TNKS: variants seen among roughly 807,000 people sequenced by gnomAD.
The protein encoded by TNKS is poly [ADP-ribose] polymerase tankyrase-1.
A neutral mutation model predicts 135.8 loss-of-function variants in TNKS; 72 were observed. The ratio of observed to expected loss-of-function variants is 0.53; its 90% confidence interval spans 0.44 to 0.64. The LOEUF is 0.64. TNKS is among the 30% of genes least tolerant of loss of function. TNKS has a pLI of 0.00. For synonymous variants in TNKS, 849 were observed against 649.3 expected, an observed-to-expected ratio of 1.31 and a Z score of -4.68; for missense variants, 1,769 against 1,674.0, an observed-to-expected ratio of 1.06 and a Z score of -0.99.
chr8:9,575,338 G>C lies in TNKS; in HGVS notation c.674-4821G>C, dbSNP rs563848507. ...CTGACCTCGTGATCCGCCTGCTTCG[G>C]CCTCCCTAAATTACAGGTGTGAGCC... On this transcript the variant is annotated intron_variant, in intron 1 of 26. Transcript: ENST00000310430. 480 of 950,750 alleles carry C rather than the reference G, an allele frequency of 5.0e-4. 7 individuals are homozygous for C. In the South Asian group the frequency reaches 0.018, roughly 36 times the overall value. 58.9% of individuals were successfully genotyped at this position (950,750 alleles called of 1,614,324 possible).
At position 9,781,628 on chromosome 8, in the gene TNKS, C is replaced by T. The variant is rs1426555337; in HGVS notation, c.*4892C>T. ...TTATCTTTGTAGTAGTAATGTTTGT[C>T]TTTGATACCTACAAACTAAAAAGGT... On this transcript the variant is annotated 3_prime_UTR_variant, in exon 27 of 27. Coordinates refer to ENST00000310430, the MANE Select transcript of TNKS (RefSeq NM_003747.3). The T allele has an allele frequency of 6.6e-6, 1 of 152,586 alleles. No homozygotes were observed. The highest frequency in any genetic ancestry group is 2.4e-5 in the African/African-American group (1 of 41,438). 9.5% of individuals were successfully genotyped at this position (152,586 alleles called of 1,614,324 possible).
At chr8:9,759,137 GAAGC>G (rs1394903971) in intron 20 of TNKS, among the ~76,000 whole-genome samples, 1 of 152,158 alleles carries the variant, frequency 6.6e-6, no homozygotes, top group Non-Finnish European at 1.5e-5. Context: ...TGCTTGGTTA[GAAGC>G]AAGTCACTAG....
chr8:9,730,092 G>A (rs1394378938), intron 13 of TNKS, among the ~76,000 whole-genome samples: 1 of 151,998 alleles, frequency 6.6e-6, no homozygotes, highest in Non-Finnish European at 1.5e-5. Context: ...TTTATAAACT[G>A]TAAATTATTA....
At chr8:9,724,027 A>G (rs921036109) in intron 12 of TNKS, among the ~76,000 whole-genome samples, 1 of 152,242 alleles carries the variant, frequency 6.6e-6, no homozygotes, top group Admixed American at 6.5e-5. Flanking sequence ...CTAAGTCTAT[A>G]AAAGATGTTT....
chr8:9,726,618 G>A, intron 12 of TNKS, 23 bp from the exon 13 acceptor site: 8 of 1,572,268 alleles, frequency 5.1e-6, no homozygotes, highest in Non-Finnish European at 6.9e-6. Flanking sequence ...ATATATATGA[G>A]TTCTTTCCTT....
At chr8:9,674,270 T>G (rs1479573514) in intron 3 of TNKS, among the ~76,000 whole-genome samples, 2 of 152,192 alleles carry the variant, frequency 1.3e-5, no homozygotes, top group Non-Finnish European at 2.9e-5. Flanking sequence ...CTGTGAAGCA[T>G]GAAGTGGTTT....
At chr8:9,733,050 C>A (rs563598128) in intron 14 of TNKS, among the ~76,000 whole-genome samples, 1 of 152,118 alleles carries the variant, frequency 6.6e-6, no homozygotes, top group Non-Finnish European at 1.5e-5. Context: ...ATATATCCAT[C>A]CCCAAGAAAC....
chr8:9,609,810 G>C (rs1799377570), intron 2 of TNKS, among the ~76,000 whole-genome samples: 1 of 152,142 alleles, frequency 6.6e-6, no homozygotes, highest in Non-Finnish European at 1.5e-5. Flanking sequence ...TTTAAATTCA[G>C]TAAGCCATCC....
intron 5 of TNKS, among the ~76,000 whole-genome samples, chr8:9,683,095 T>C (rs1252127011): frequency 6.6e-6 from 1 of 152,064 alleles, no homozygotes; most frequent in Admixed American, 6.5e-5. Flanking sequence ...TCTGTGTGGT[T>C]TGAATTGAAT....
At chr8:9,607,121 TA>T (rs1563112561) in intron 2 of TNKS, among the ~76,000 whole-genome samples, 1 of 152,118 alleles carries the variant, frequency 6.6e-6, no homozygotes, top group Non-Finnish European at 1.5e-5. Context: ...TATTAGATAT[TA>T]AAAAAAGAAG....
At chr8:9,580,016 CTAA>C in intron 1 of TNKS, 140 bp from the exon 2 acceptor site, 1 of 665,040 alleles carries the variant, frequency 1.5e-6, no homozygotes, top group Non-Finnish European at 2.6e-6. Context: ...TTGAATGAAG[CTAA>C]TGTTTCTTTT....
Position 9,589,756 on chromosome 8 carries a change from C to G in TNKS, c.898+9373C>G, listed in dbSNP as rs867847835. ...AGGAAGAGAAGAAAGTAAAAATGAG[C>G]TTGATTTTGATTTTGGATCCCTTCG... is the stretch of plus-strand genomic sequence containing the variant. On this transcript the variant is annotated intron_variant, in intron 2 of 26. Transcript: ENST00000310430. Among the ~76,000 whole-genome samples, 9 of 152,234 alleles carry G rather than the reference C, an allele frequency of 5.9e-5. No individual in the cohort carries two copies. The East Asian group carries it at 1.7e-3, about 29-fold the overall frequency.
At chr8:9,598,702 AAT>A (rs1471792282) in intron 2 of TNKS, among the ~76,000 whole-genome samples, 4 of 113,422 alleles carry the variant, frequency 3.5e-5, no homozygotes, top group Non-Finnish European at 7.1e-5. Context: ...CCTTGTCTAA[AAT>A]ATGTGTGTGT....
At chr8:9,591,668 G>C (rs924144824) in intron 2 of TNKS, among the ~76,000 whole-genome samples, 7 of 152,128 alleles carry the variant, frequency 4.6e-5, no homozygotes, top group Non-Finnish European at 7.4e-5. Flanking sequence ...GGTCTTAGTT[G>C]GATGTGTGTA....
At chr8:9,616,702 T>TA (rs1310151592) in intron 3 of TNKS, among the ~76,000 whole-genome samples, 2 of 152,200 alleles carry the variant, frequency 1.3e-5, no homozygotes, top group East Asian at 3.8e-4. Flanking sequence ...CTAAAATCAA[T>TA]ATAATTATTG....
intron 3 of TNKS, among the ~76,000 whole-genome samples, chr8:9,655,077 G>C (rs1801301354): frequency 6.6e-6 from 1 of 152,114 alleles, no homozygotes; most frequent in South Asian, 2.1e-4. Flanking sequence ...CGGGCTTAAT[G>C]GCACACCAGG....
intron 12 of TNKS, among the ~76,000 whole-genome samples, chr8:9,721,268 G>A (rs1293466795): frequency 1.5e-4 from 13 of 83,968 alleles, no homozygotes; most frequent in Non-Finnish European, 3.2e-4. Flanking sequence ...GAGACAGAGT[G>A]AAACTCTGTC....
intron 1 of TNKS, among the ~76,000 whole-genome samples, chr8:9,560,222 CT>C (rs918030780): frequency 6.6e-6 from 1 of 151,446 alleles, no homozygotes; most frequent in African/African-American, 2.4e-5. Flanking sequence ...TAAATGAGGT[CT>C]TTTTTTTATT....
At chr8:9,666,030 C>A (rs564168188) in intron 3 of TNKS, among the ~76,000 whole-genome samples, 30 of 152,098 alleles carry the variant, frequency 2.0e-4, no homozygotes, top group African/African-American at 6.5e-4. Context: ...AACTGAAGTT[C>A]CTTGTACCTA....
Sources: allele counts gnomAD v4.1 joint callset (sites outside exome capture counted in the v4.1 genomes callset), GRCh38; gene constraint gnomAD v4.1.1; transcripts MANE v1.5; gene names NCBI Gene and HGNC (gene_info 2026-07-23, HGNC 2026-07-21).